The following RBFOX1 variants were observed in gnomAD, a reference collection of about 807,000 sequenced individuals.
The protein encoded by RBFOX1 is RNA binding protein fox-1 homolog 1.
In RBFOX1, 8 loss-of-function variants were observed where a neutral mutation model predicts 57.7. That is an observed-to-expected ratio of 0.14 (90% CI 0.08 to 0.25). RBFOX1 has a LOEUF of 0.25. RBFOX1 is among the 10% of genes least tolerant of loss of function. RBFOX1 has a pLI of 1.00. For missense variants in RBFOX1, 611 were observed against 548.5 expected (o/e 1.11, Z -1.14); for synonymous variants, 326 against 222.4 (o/e 1.47, Z -4.15).
Position 7,688,831 on chromosome 16 carries a change from TCA to T in RBFOX1, c.995+11994_995+11995del, listed in dbSNP as rs542909474. 1.9e-3 allele frequency among the ~76,000 whole-genome samples: 292 copies of T among 152,222 alleles called. 2 individuals carry two copies. The highest frequency in any genetic ancestry group is 6.8e-3 in the African/African-American group (284 of 41,532). ...TAGAATATGTTTTTAATTCTTTCTC[TCA>T]ATTATTCTCAAAGAGGAGTTCAAAT... On this transcript the variant is annotated intron_variant, in intron 14 of 15. Transcript: ENST00000550418.
intron 4 of RBFOX1, among the ~76,000 whole-genome samples, chr16:7,290,364 A>G (rs1402045992): frequency 6.6e-6 from 1 of 152,166 alleles, no homozygotes; most frequent in East Asian, 1.9e-4. Flanking sequence ...TGGTTCACAC[A>G]CTGATACTGA....
intron 3 of RBFOX1, among the ~76,000 whole-genome samples, chr16:6,880,450 C>T (rs889005684): frequency 5.9e-5 from 9 of 152,162 alleles, no homozygotes; most frequent in African/African-American, 1.9e-4. Flanking sequence ...TTTGCTCTTC[C>T]CCTGTGTTGG....
At chr16:5,335,856 C>T (rs575446025) in intron 1 of RBFOX1, among the ~76,000 whole-genome samples, 3 of 152,014 alleles carry the variant, frequency 2.0e-5, no homozygotes, top group Non-Finnish European at 4.4e-5. Flanking sequence ...CTCAGACTGC[C>T]GACTCTTTGG....
chr16:7,705,132 A>G (rs938933439), intron 14 of RBFOX1, among the ~76,000 whole-genome samples: 1 of 152,122 alleles, frequency 6.6e-6, no homozygotes, highest in African/African-American at 2.4e-5. Context: ...TTGAAACATA[A>G]AAGATGAAAG....
At chr16:6,445,920 CA>C (rs1229782374) in intron 2 of RBFOX1, among the ~76,000 whole-genome samples, 1 of 151,922 alleles carries the variant, frequency 6.6e-6, no homozygotes, top group African/African-American at 2.4e-5. Context: ...TTTGATTCAG[CA>C]TCCCTGTTAA....
intron 9 of RBFOX1, among the ~76,000 whole-genome samples, chr16:7,599,745 A>C (rs1170764608): frequency 6.7e-6 from 1 of 148,276 alleles, no homozygotes; most frequent in African/African-American, 2.6e-5. Flanking sequence ...TCCCAGGCTC[A>C]AGCAATCCTC....
chr16:5,513,972 AT>A (rs1376846880), intron 2 of RBFOX1, among the ~76,000 whole-genome samples: 2 of 152,202 alleles, frequency 1.3e-5, no homozygotes, highest in Non-Finnish European at 2.9e-5. Context: ...AAATACCAAC[AT>A]GTTAAGGCAG....
chr16:5,934,839 G>A (rs1051583825), intron 4 of RBFOX1, among the ~76,000 whole-genome samples: 1 of 152,184 alleles, frequency 6.6e-6, no homozygotes, highest in African/African-American at 2.4e-5. Flanking sequence ...GCAGGGCAGG[G>A]GACCGGGCCA....
intron 4 of RBFOX1, among the ~76,000 whole-genome samples, chr16:7,054,541 T>TCGGTG (rs1555823147): frequency 2.2e-5 from 1 of 45,964 alleles, no homozygotes; most frequent in Non-Finnish European, 7.0e-5. Flanking sequence ...GCGCCAAACC[T>TCGGTG]GGGTGGGGGG....
intron 3 of RBFOX1, among the ~76,000 whole-genome samples, chr16:7,043,131 A>G (rs2046739105): frequency 6.6e-6 from 1 of 151,774 alleles, no homozygotes; most frequent in Admixed American, 6.6e-5. Flanking sequence ...CTCCCGCCCA[A>G]CTCCTATTTA....
At chr16:6,102,387 A>G (rs2096323219) in intron 1 of RBFOX1, among the ~76,000 whole-genome samples, 1 of 152,130 alleles carries the variant, frequency 6.6e-6, no homozygotes, top group South Asian at 2.1e-4. Flanking sequence ...TTTATTTCAT[A>G]TGATCAGATT....
At chr16:6,250,639 C>T (rs1478040020) in intron 1 of RBFOX1, among the ~76,000 whole-genome samples, 1 of 152,110 alleles carries the variant, frequency 6.6e-6, no homozygotes, top group Non-Finnish European at 1.5e-5. Flanking sequence ...GAGGGGTCAT[C>T]CCTGTTTAGA....
intron 2 of RBFOX1, among the ~76,000 whole-genome samples, chr16:6,342,353 T>C (rs1037105772): frequency 1.5e-4 from 23 of 152,202 alleles, no homozygotes; most frequent in African/African-American, 5.5e-4. Context: ...GAATTAGAGA[T>C]AGATTAAAAA....
chr16:5,354,852 G>T (rs1009138490), intron 1 of RBFOX1, among the ~76,000 whole-genome samples: 5 of 152,240 alleles, frequency 3.3e-5, no homozygotes, highest in African/African-American at 9.6e-5. Flanking sequence ...GTCACCATGT[G>T]CCAGGCAGCT....
At chr16:7,335,267 C>T (rs2096764908) in intron 4 of RBFOX1, among the ~76,000 whole-genome samples, 1 of 152,166 alleles carries the variant, frequency 6.6e-6, no homozygotes. Context: ...GTTTCTTCCT[C>T]ACTCAGGAGG....
intron 1 of RBFOX1, among the ~76,000 whole-genome samples, chr16:6,246,816 C>A (rs1010276053): frequency 1.3e-5 from 2 of 152,166 alleles, no homozygotes; most frequent in African/African-American, 4.8e-5. Context: ...CGCCTATAAT[C>A]CCAGCACTTT....
chr16:6,101,955 C>T (rs1414582979), intron 1 of RBFOX1, among the ~76,000 whole-genome samples: 1 of 152,034 alleles, frequency 6.6e-6, no homozygotes, highest in Non-Finnish European at 1.5e-5. Flanking sequence ...CTCTCGGAGG[C>T]CCAGGGTGGG....
At chr16:5,570,869 A>C (rs1038084567) in intron 2 of RBFOX1, among the ~76,000 whole-genome samples, 6 of 151,922 alleles carry the variant, frequency 3.9e-5, no homozygotes, top group Non-Finnish European at 8.8e-5. Context: ...CATTTCATAG[A>C]TTACACTTAT....
intron 3 of RBFOX1, among the ~76,000 whole-genome samples, chr16:6,905,456 G>C (rs1262599617): frequency 6.6e-6 from 1 of 151,910 alleles, no homozygotes; most frequent in African/African-American, 2.4e-5. Flanking sequence ...GGGAGTCTGA[G>C]GCAGGAGAAT....
Sources: allele counts gnomAD v4.1 joint callset (sites outside exome capture counted in the v4.1 genomes callset), GRCh38; gene constraint gnomAD v4.1.1; transcripts MANE v1.5; gene names NCBI Gene and HGNC (gene_info 2026-07-23, HGNC 2026-07-21).